Variants in LAMA2 observed in about 807,000 individuals in gnomAD.
LAMA2 encodes the protein laminin subunit alpha 2.
In LAMA2, 269 loss-of-function variants were observed where a neutral mutation model predicts 364.8. That is an observed-to-expected ratio of 0.74 (90% confidence interval 0.67 to 0.82). The LOEUF (loss-of-function observed/expected upper bound fraction) is 0.82, where lower values mean the gene tolerates loss of function less well. Ranked by LOEUF, LAMA2 falls within the 40% of genes least tolerant of loss-of-function variation. The pLI is 0.00. For synonymous variants in LAMA2, 1,379 were observed against 1,370.6 expected (o/e 1.01, Z -0.14); for missense variants, 3,807 against 3,873.2 (o/e 0.98, Z 0.45).
chr6:129,330,131 T>A (rs1775543193), intron 29 of LAMA2, among the ~76,000 whole-genome samples: 1 of 151,982 alleles, frequency 6.6e-6, no homozygotes, highest in Non-Finnish European at 1.5e-5. Context: ...ACTGATTCTA[T>A]GTTATGGTGA....
chr6:128,911,499 C>T (rs543464455), intron 1 of LAMA2, among the ~76,000 whole-genome samples: 192 of 152,248 alleles, frequency 1.3e-3, no homozygotes, highest in African/African-American at 3.4e-3. Context: ...CTTCGGCTCA[C>T]GCACGGTGCG....
At chr6:128,891,849 T>C (rs1050114114) in intron 1 of LAMA2, among the ~76,000 whole-genome samples, 1 of 152,092 alleles carries the variant, frequency 6.6e-6, no homozygotes, top group Non-Finnish European at 1.5e-5. Flanking sequence ...CGTACCTCTT[T>C]ATACCTTTAG....
chr6:129,035,255 ATTTGCT>A (rs1043144274), intron 1 of LAMA2, among the ~76,000 whole-genome samples: 27 of 128,400 alleles, frequency 2.1e-4, no homozygotes, highest in Non-Finnish European at 4.3e-4. Context: ...GCATTTTTTC[ATTTGCT>A]TTTTGGCCAC....
At position 129,475,476 on chromosome 6, in the gene LAMA2, G is replaced by A. The variant is rs375255954; in HGVS notation, c.7451+75G>A. 4.3e-5 allele frequency: 46 copies of A among 1,059,194 alleles called. 1 individual carries two copies. The highest frequency in any genetic ancestry group is 2.8e-4 in the African/African-American group (18 of 63,488). 65.6% of individuals were successfully genotyped at this position (1,059,194 alleles called of 1,614,324 possible). A position where few individuals can be genotyped will look rare whatever the true frequency, so the allele number is the denominator to read the frequency against. On this transcript the variant is annotated intron_variant, in intron 53 of 64. Coordinates refer to ENST00000421865, the MANE Select transcript of LAMA2 (RefSeq NM_000426.4). Reference sequence around the variant, plus strand: ...ATGTGGCTTCTTAGATAAAGCAGCCGTGCAGAAGCAGAGCAACACCAGTAC... The same window carrying A: ...ATGTGGCTTCTTAGATAAAGCAGCCATGCAGAAGCAGAGCAACACCAGTAC...
chr6:129,197,383 C>T (rs1213047601), intron 12 of LAMA2, among the ~76,000 whole-genome samples: 7 of 152,174 alleles, frequency 4.6e-5, no homozygotes, highest in African/African-American at 1.7e-4. Flanking sequence ...AACCCACTCT[C>T]TTAACTCAAG....
chr6:128,930,049 G>A (rs1183286610), intron 1 of LAMA2: 9 of 402,354 alleles, frequency 2.2e-5, no homozygotes, highest in Non-Finnish European at 3.6e-5. Flanking sequence ...CGTGGCGCCC[G>A]CAGCCCTGCA....
In LAMA2 at chr6:128,904,564, C is replaced by A. The variant is rs1437158633; in HGVS notation, c.112+21207C>A. On this transcript the variant is annotated intron_variant, in intron 1 of 64. Coordinates refer to ENST00000421865, the MANE Select transcript of LAMA2 (RefSeq NM_000426.4). The stretch of plus-strand genomic sequence containing the variant: ...CCGCCTCCCGGGTTCAAGTGATTCT[C>A]CTGCCTCAGCCTCCTGAGTAGCTGG... Among the ~76,000 whole-genome samples, 6 of 151,110 alleles carry A rather than the reference C, an allele frequency of 4.0e-5. No homozygotes were observed. The East Asian group carries it at 1.2e-3, about 30-fold the overall frequency.
chr6:129,180,898 G>T (rs147197361), intron 10 of LAMA2, among the ~76,000 whole-genome samples: 124 of 152,116 alleles, frequency 8.2e-4, no homozygotes, highest in African/African-American at 2.9e-3. Flanking sequence ...GAGTTTTAAT[G>T]CCCTCACTAG....
At chr6:129,390,907 C>T (rs1420846743) in intron 35 of LAMA2, among the ~76,000 whole-genome samples, 1 of 152,122 alleles carries the variant, frequency 6.6e-6, no homozygotes, top group African/African-American at 2.4e-5. Flanking sequence ...GTGAAGGATG[C>T]TATTGCTGGA....
chr6:128,926,990 G>T (rs1372324925), intron 1 of LAMA2, among the ~76,000 whole-genome samples: 2 of 152,134 alleles, frequency 1.3e-5, no homozygotes, highest in Non-Finnish European at 2.9e-5. Flanking sequence ...GTATAGTTTT[G>T]GGTATAAACC....
At chr6:128,964,078 G>A (rs1321387513) in intron 1 of LAMA2, among the ~76,000 whole-genome samples, 2 of 152,124 alleles carry the variant, frequency 1.3e-5, no homozygotes, top group East Asian at 3.9e-4. Flanking sequence ...TTCTTTGAAG[G>A]TAAGTTGTAA....
chr6:129,158,559 C>A, intron 8 of LAMA2: 1 of 1,614,066 alleles, frequency 6.2e-7, no homozygotes, highest in Non-Finnish European at 8.5e-7. Flanking sequence ...ACGATTGTAA[C>A]GACGTCTGCT....
At chr6:129,476,916 G>GAAAT (rs1784094330) in intron 53 of LAMA2, among the ~76,000 whole-genome samples, 1 of 152,142 alleles carries the variant, frequency 6.6e-6, no homozygotes, top group Non-Finnish European at 1.5e-5. Context: ...CACCTGACAT[G>GAAAT]AAATAAATCA....
intron 18 of LAMA2, among the ~76,000 whole-genome samples, chr6:129,284,494 G>A (rs1350453373): frequency 2.0e-5 from 3 of 152,056 alleles, no homozygotes; most frequent in Non-Finnish European, 4.4e-5. Context: ...ATTTGTATTA[G>A]TACCGTGTAA....
chr6:129,147,027 T>A lies in LAMA2; in HGVS notation c.888T>A (p.Cys296Ter). Residue 296 changes from cysteine (C) to a stop codon, truncating the protein, a stop_gained, in exon 6 of 65, where the codon TGT becomes TGA. Coordinates refer to ENST00000421865, the MANE Select transcript of LAMA2 (RefSeq NM_000426.4). LOFTEE classifies it high-confidence loss of function. Reference protein sequence around the residue: ...MCICYGHARACPLDPATNKSR... With the variant: ...MCICYGHARA ...TCTGCTATGGTCATGCCAGGGCTTG[T>A]CCACTTGATCCAGCGACAAATGTAT... 1 of 1,607,632 alleles carries A rather than the reference T, an allele frequency of 6.2e-7. No individual in the cohort carries two copies. Among genetic ancestry groups the A allele is most frequent in the Non-Finnish European group, 8.5e-7 (1 of 1,174,286 alleles).
At chr6:129,136,984 T>G (rs1485936715) in intron 4 of LAMA2, among the ~76,000 whole-genome samples, 1 of 152,208 alleles carries the variant, frequency 6.6e-6, no homozygotes, top group Non-Finnish European at 1.5e-5. Flanking sequence ...GTGGTCACAG[T>G]GTTAGGTATC....
At chr6:129,347,612 T>C (rs1246815556) in intron 30 of LAMA2, among the ~76,000 whole-genome samples, 1 of 152,152 alleles carries the variant, frequency 6.6e-6, no homozygotes, top group East Asian at 1.9e-4. Context: ...TTAAAAATTC[T>C]GTTGAGGGGA....
chr6:129,044,189 T>C (rs183051468), intron 1 of LAMA2, among the ~76,000 whole-genome samples: 2,386 of 151,276 alleles, frequency 0.016, 76 homozygotes, highest in African/African-American at 0.054. Context: ...TATATATATA[T>C]ACACACACAT....
At chr6:129,182,029 T>G (rs1411277821) in intron 10 of LAMA2, among the ~76,000 whole-genome samples, 1 of 151,834 alleles carries the variant, frequency 6.6e-6, no homozygotes. Context: ...TAAGACAGTT[T>G]CACTAGATTA....
Sources: allele counts gnomAD v4.1 joint callset (sites outside exome capture counted in the v4.1 genomes callset), GRCh38; gene constraint gnomAD v4.1.1; transcripts MANE v1.5; gene names NCBI Gene and HGNC (gene_info 2026-07-23, HGNC 2026-07-21).